Variants in CNTNAP2 observed in about 807,000 individuals in gnomAD.
CNTNAP2 encodes the protein contactin associated protein 2, also known as contactin-associated protein-like 2.
A neutral mutation model predicts 155.2 loss-of-function variants in CNTNAP2; 98 were observed. That is an observed-to-expected ratio of 0.63 (90% CI 0.54 to 0.75). CNTNAP2 has a LOEUF of 0.75. Among genes scored for constraint, CNTNAP2 ranks in the 30% least tolerant of loss-of-function variants. The pLI, the probability that CNTNAP2 is intolerant of heterozygous loss-of-function variation, is 0.00. For missense variants in CNTNAP2, 1,727 were observed against 1,688.1 expected (o/e 1.02, Z -0.40); for synonymous variants, 651 against 631.2 (o/e 1.03, Z -0.47).
chr7:147,486,118 G>GCT, intron 11 of CNTNAP2, 77 bp downstream of exon 11: 1 of 1,224,460 alleles, frequency 8.2e-7, no homozygotes, highest in Non-Finnish European at 1.2e-6. Context: ...TTGAAGCTCA[G>GCT]CAACCTGAAT....
At chr7:147,006,728 A>C (rs930180944) in intron 3 of CNTNAP2, among the ~76,000 whole-genome samples, 1 of 152,096 alleles carries the variant, frequency 6.6e-6, no homozygotes, top group Non-Finnish European at 1.5e-5. Flanking sequence ...ACTTCTAGTC[A>C]TCTTCCTTTT....
chr7:147,643,527 CTAA>C (rs1171395965), intron 13 of CNTNAP2: 3 of 152,042 alleles, frequency 2.0e-5, no homozygotes, highest in African/African-American at 7.2e-5. Flanking sequence ...TTTAAAGAAG[CTAA>C]TGTTTACTGT....
chr7:147,107,300 T>C (rs1484506565), intron 4 of CNTNAP2, among the ~76,000 whole-genome samples: 3 of 152,148 alleles, frequency 2.0e-5, no homozygotes, highest in Admixed American at 2.0e-4. Context: ...AAATAAATAG[T>C]AGTTATCAAA....
chr7:148,352,221 CTGAGTGGAGGATGGA>C (rs942401375), intron 21 of CNTNAP2, among the ~76,000 whole-genome samples: 4 of 152,070 alleles, frequency 2.6e-5, no homozygotes, highest in South Asian at 2.1e-4. Flanking sequence ...ACTCTGGCTG[CTGAGTGGAGGATGGA>C]TGAGTGGAGG....
chr7:146,479,430 G>A (rs889440973), intron 1 of CNTNAP2, among the ~76,000 whole-genome samples: 2 of 151,942 alleles, frequency 1.3e-5, no homozygotes, highest in African/African-American at 4.8e-5. Context: ...TTTAATTCAG[G>A]TGTCTTTCAT....
At chr7:147,059,830 T>G (rs1339659048) in intron 4 of CNTNAP2, among the ~76,000 whole-genome samples, 1 of 152,182 alleles carries the variant, frequency 6.6e-6, no homozygotes, top group East Asian at 1.9e-4. Flanking sequence ...TTTTTGGCCT[T>G]TCTACCAAAG....
At chr7:147,630,287 A>C (rs1302921353) in intron 12 of CNTNAP2, among the ~76,000 whole-genome samples, 1 of 149,804 alleles carries the variant, frequency 6.7e-6, no homozygotes, top group African/African-American at 2.5e-5. Flanking sequence ...TAAACTGACC[A>C]ATGACAAATA....
intron 14 of CNTNAP2, among the ~76,000 whole-genome samples, chr7:147,958,830 C>A (rs1373060422): frequency 6.6e-6 from 1 of 152,066 alleles, no homozygotes; most frequent in Non-Finnish European, 1.5e-5. Context: ...CATCAGTTTG[C>A]CTCCCATTCC....
intron 1 of CNTNAP2, among the ~76,000 whole-genome samples, chr7:146,739,834 A>T (rs1184378492): frequency 1.3e-5 from 2 of 152,186 alleles, no homozygotes; most frequent in African/African-American, 4.8e-5. Context: ...TTATGGGTAC[A>T]TACGTATTTA....
At chr7:147,321,426 T>C (rs1795348500) in intron 9 of CNTNAP2, among the ~76,000 whole-genome samples, 1 of 151,196 alleles carries the variant, frequency 6.6e-6, no homozygotes, top group African/African-American at 2.4e-5. Context: ...TACAGAGTTA[T>C]TTTTTATTTT....
chr7:146,997,284 T>A (rs1007039645), intron 3 of CNTNAP2, among the ~76,000 whole-genome samples: 6 of 152,154 alleles, frequency 3.9e-5, no homozygotes, highest in African/African-American at 9.7e-5. Context: ...GATGAATGCA[T>A]GTTAAATTTT....
chr7:148,365,733 T>C (rs1337196127), intron 21 of CNTNAP2, among the ~76,000 whole-genome samples: 232 of 14,848 alleles, frequency 0.016, 13 homozygotes, highest in African/African-American at 0.027. Context: ...TGTATATATG[T>C]ATGTGTATAC....
chr7:146,888,808 G>A lies in CNTNAP2; in HGVS notation c.402+48904G>A, dbSNP rs116180661. Among the ~76,000 whole-genome samples, 243 of 152,194 alleles carry A rather than the reference G, an allele frequency of 1.6e-3. 3 individuals carry two copies. The highest frequency in any genetic ancestry group is 5.7e-3 in the African/African-American group (235 of 41,536). ...TGGGTTAAAAATAGTAAAACTCACA[G>A]AGAGTAGAAGAGTGGTTGCCAGGGG... On this transcript the variant is annotated intron_variant, in intron 3 of 23. Coordinates refer to ENST00000361727, the MANE Select transcript of CNTNAP2 (RefSeq NM_014141.6).
chr7:146,839,463 A>G (rs554329313), intron 2 of CNTNAP2, among the ~76,000 whole-genome samples: 94 of 152,308 alleles, frequency 6.2e-4, no homozygotes, highest in African/African-American at 2.0e-3. Context: ...TAATTGAGGA[A>G]TTATGAAGAC....
chr7:147,485,348 A>G (rs1235236013), intron 10 of CNTNAP2, among the ~76,000 whole-genome samples: 1 of 152,216 alleles, frequency 6.6e-6, no homozygotes, highest in Non-Finnish European at 1.5e-5. Flanking sequence ...TTGAACACAA[A>G]ACCTGTATCT....
intron 10 of CNTNAP2, among the ~76,000 whole-genome samples, chr7:147,454,083 A>G (rs1797879604): frequency 6.6e-6 from 1 of 152,172 alleles, no homozygotes; most frequent in Admixed American, 6.5e-5. Context: ...CATCAACTAA[A>G]GATTTGTGAA....
At chr7:146,592,840 C>G (rs1798803347) in intron 1 of CNTNAP2, among the ~76,000 whole-genome samples, 1 of 152,110 alleles carries the variant, frequency 6.6e-6, no homozygotes, top group Non-Finnish European at 1.5e-5. Context: ...ACATACGGGA[C>G]AGTCCAGTGG....
intron 1 of CNTNAP2, among the ~76,000 whole-genome samples, chr7:146,622,888 C>T (rs753255996): frequency 1.1e-4 from 16 of 149,348 alleles, no homozygotes; most frequent in Non-Finnish European, 1.5e-4. Flanking sequence ...ACTCGGCCAG[C>T]GGAGGTTGCA....
intron 21 of CNTNAP2, among the ~76,000 whole-genome samples, chr7:148,268,606 G>A (rs1796717902): frequency 1.3e-5 from 2 of 151,984 alleles, no homozygotes; most frequent in Admixed American, 1.3e-4. Flanking sequence ...AGTGAGCCGA[G>A]ATCACGCCAC....
Sources: allele counts gnomAD v4.1 joint callset (sites outside exome capture counted in the v4.1 genomes callset), GRCh38; gene constraint gnomAD v4.1.1; transcripts MANE v1.5; gene names NCBI Gene and HGNC (gene_info 2026-07-23, HGNC 2026-07-21).